The following ACVR1 variants were observed in gnomAD, a reference collection of about 807,000 sequenced individuals.
ACVR1 encodes the protein activin receptor type-1.
ACVR1 carries 38 observed loss-of-function variants against 57.1 expected under a neutral mutation model. The observed-to-expected ratio is 0.67, with a 90% CI of 0.51 to 0.87. ACVR1 has a LOEUF of 0.87. Among genes scored for constraint, ACVR1 ranks in the 40% least tolerant of loss-of-function variants. The pLI is 0.00. For synonymous variants in ACVR1, 212 were observed against 228.1 expected (o/e 0.93, Z 0.63); for missense variants, 463 against 638.2 (o/e 0.73, Z 2.96).
intron 1 of ACVR1, among the ~76,000 whole-genome samples, chr2:157,824,705 C>CA (rs1208090600): frequency 2.0e-5 from 3 of 152,104 alleles, no homozygotes; most frequent in African/African-American, 4.8e-5. Context: ...CCACAAAAGA[C>CA]AGACACACAT....
At chr2:157,814,237 A>C (rs1687854476) in intron 2 of ACVR1, among the ~76,000 whole-genome samples, 1 of 152,252 alleles carries the variant, frequency 6.6e-6, no homozygotes, top group African/African-American at 2.4e-5. Flanking sequence ...CACATATCAC[A>C]AGGATAAAAA....
intron 1 of ACVR1, among the ~76,000 whole-genome samples, chr2:157,848,591 A>G (rs548200030): frequency 1.3e-5 from 2 of 152,216 alleles, no homozygotes; most frequent in East Asian, 3.8e-4. Flanking sequence ...TGTGAGCACA[A>G]TAAAATGGTT....
chr2:157,768,047 A>G (rs1685934553), intron 7 of ACVR1, among the ~76,000 whole-genome samples: 1 of 152,182 alleles, frequency 6.6e-6, no homozygotes, highest in Non-Finnish European at 1.5e-5. Context: ...ACTGTCCCCA[A>G]ACAAACTGAT....
chr2:157,869,934 A>G (rs1006622162), intron 1 of ACVR1, among the ~76,000 whole-genome samples: 12 of 152,220 alleles, frequency 7.9e-5, no homozygotes, highest in African/African-American at 2.9e-4. Context: ...GACAAGGGAT[A>G]TTCATCCCTA....
intron 9 of ACVR1, among the ~76,000 whole-genome samples, chr2:157,753,332 A>G (rs1328962204): frequency 6.6e-6 from 1 of 152,204 alleles, no homozygotes; most frequent in Non-Finnish European, 1.5e-5. Flanking sequence ...GTTTGAGACC[A>G]GCCTGGCCAA....
At chr2:157,836,515 CAG>C (rs1388396943) in intron 1 of ACVR1, among the ~76,000 whole-genome samples, 1 of 152,196 alleles carries the variant, frequency 6.6e-6, no homozygotes, top group African/African-American at 2.4e-5. Flanking sequence ...TCCTCCATTT[CAG>C]GAAGGAAACC....
intron 3 of ACVR1, among the ~76,000 whole-genome samples, chr2:157,789,378 G>T (rs1686828213): frequency 6.6e-6 from 1 of 152,212 alleles, no homozygotes; most frequent in Non-Finnish European, 1.5e-5. Flanking sequence ...GTGTCACGAG[G>T]CCACTGGCTG....
intron 1 of ACVR1, among the ~76,000 whole-genome samples, chr2:157,821,909 C>T (rs1450067876): frequency 6.6e-6 from 1 of 152,122 alleles, no homozygotes; most frequent in African/African-American, 2.4e-5. Flanking sequence ...GAGTAACAGG[C>T]AAGCATAAAA....
At chr2:157,847,695 A>G (rs1254143541) in intron 1 of ACVR1, among the ~76,000 whole-genome samples, 1 of 152,208 alleles carries the variant, frequency 6.6e-6, no homozygotes, top group East Asian at 1.9e-4. Context: ...AGAAAGAAAA[A>G]CACTGAAAAA....
intron 4 of ACVR1, among the ~76,000 whole-genome samples, chr2:157,778,545 T>C (rs917667228): frequency 2.0e-5 from 3 of 152,202 alleles, no homozygotes; most frequent in African/African-American, 7.2e-5. Context: ...AACTAGAATT[T>C]GAAAAAATTC....
At chr2:157,750,761 G>C (rs1047397663) in intron 9 of ACVR1, among the ~76,000 whole-genome samples, 1 of 151,988 alleles carries the variant, frequency 6.6e-6, no homozygotes, top group African/African-American at 2.4e-5. Flanking sequence ...AGAAAAAATA[G>C]GTAAAATGCC....
intron 2 of ACVR1, among the ~76,000 whole-genome samples, chr2:157,803,516 A>G (rs1687402441): frequency 6.6e-6 from 1 of 152,236 alleles, no homozygotes; most frequent in South Asian, 2.1e-4. Context: ...TATTTCAATT[A>G]TAAGAAACAT....
At chr2:157,772,143 T>C (rs1329717858) in intron 6 of ACVR1, among the ~76,000 whole-genome samples, 1 of 152,186 alleles carries the variant, frequency 6.6e-6, no homozygotes, top group Admixed American at 6.5e-5. Context: ...AATAGAAATA[T>C]TGTTCAATGG....
At position 157,775,688 on chromosome 2, in the gene ACVR1, T is replaced by C. The variant is rs1021725625; in HGVS notation, c.544-1501A>G. 3.9e-5 allele frequency among the ~76,000 whole-genome samples: 6 copies of C among 152,198 alleles called. 1 individual carries two copies. The highest frequency in any genetic ancestry group is 9.7e-5 in the African/African-American group (4 of 41,442). ...ATATCTCCCTAACCATTTTCTCTCT[T>C]GCGGTTCTTTTTGCTCCTTATTCAT... On this transcript the variant is annotated intron_variant, in intron 5 of 10. Transcript: ENST00000434821.
At chr2:157,778,049 G>T in intron 5 of ACVR1, 82 bp downstream of exon 5, 1 of 1,428,254 alleles carries the variant, frequency 7.0e-7, no homozygotes, top group Non-Finnish European at 9.8e-7. Flanking sequence ...CTCATTACTG[G>T]TTAGCGTTTC....
chr2:157,770,611 A>C, intron 6 of ACVR1, 97 bp from the exon 7 acceptor site: 1 of 1,218,642 alleles, frequency 8.2e-7, no homozygotes, highest in Non-Finnish European at 1.2e-6. Flanking sequence ...TGCAACTCTT[A>C]ATCCCTCCAT....
chr2:157,819,817 C>T (rs1688099938), intron 1 of ACVR1, among the ~76,000 whole-genome samples: 3 of 152,168 alleles, frequency 2.0e-5, no homozygotes. Context: ...ACTTGAAAAA[C>T]ATCAACATTT....
chr2:157,783,693 G>A (rs1686608567), intron 3 of ACVR1, among the ~76,000 whole-genome samples: 1 of 152,148 alleles, frequency 6.6e-6, no homozygotes, highest in Non-Finnish European at 1.5e-5. Context: ...CTCAATCTCT[G>A]ATATGAAAGA....
At chr2:157,789,635 T>C (rs1686835043) in intron 3 of ACVR1, among the ~76,000 whole-genome samples, 1 of 152,194 alleles carries the variant, frequency 6.6e-6, no homozygotes, top group Admixed American at 6.5e-5. Context: ...CTGAGGAGAT[T>C]AAAGTCCAGA....
Sources: gnomAD v4.1 joint callset for allele counts (sites outside exome capture counted in the v4.1 genomes callset) on GRCh38, gnomAD v4.1.1 for gene constraint, MANE v1.5 for transcripts, NCBI Gene and HGNC (gene_info 2026-07-23, HGNC 2026-07-21) for gene names.